The following PPP2R5C variants were observed in gnomAD, a reference collection of about 807,000 sequenced individuals.
The protein encoded by PPP2R5C is serine/threonine-protein phosphatase 2A 56 kDa regulatory subunit gamma isoform.
PPP2R5C carries 7 observed loss-of-function variants against 68.9 expected under a neutral mutation model. The ratio of observed to expected loss-of-function variants is 0.10; its 90% CI spans 0.06 to 0.19. The LOEUF (loss-of-function observed/expected upper bound fraction) is 0.19. PPP2R5C is among the 10% of genes least tolerant of loss of function. PPP2R5C has a pLI of 1.00. For missense variants in PPP2R5C, 348 were observed against 641.3 expected, an observed-to-expected ratio of 0.54 and a Z score of 4.94; for synonymous variants, 210 against 222.2, an observed-to-expected ratio of 0.95 and a Z score of 0.49.
chr14:101,897,563 G>C (rs1181218849), intron 8 of PPP2R5C, among the ~76,000 whole-genome samples: 4 of 152,042 alleles, frequency 2.6e-5, no homozygotes, highest in Non-Finnish European at 5.9e-5. Flanking sequence ...GAAAGATGCA[G>C]GCTGGGAGGC....
intron 8 of PPP2R5C, among the ~76,000 whole-genome samples, chr14:101,897,261 G>A (rs1194822941): frequency 6.6e-6 from 1 of 151,958 alleles, no homozygotes; most frequent in Non-Finnish European, 1.5e-5. Context: ...GACATGTTTA[G>A]GTAGGAAAAA....
chr14:101,899,490 G>GAC lies in PPP2R5C; in HGVS notation c.853-2228_853-2227dup, dbSNP rs1259641424. Among the ~76,000 whole-genome samples, 3 of 152,232 alleles carry GAC rather than the reference G, an allele frequency of 2.0e-5. No homozygotes were observed. The highest frequency in any genetic ancestry group is 7.2e-5 in the African/African-American group (3 of 41,466). ...CCTCCTCCACAGAGCACGCCACACT[G>GAC]ACGCAGCAAAATAGCTGATACCGAT... is the stretch of plus-strand genomic sequence containing the variant. On this transcript the variant is annotated intron_variant, in intron 8 of 13. Transcript: ENST00000334743. The surrounding 1 kb of genome is among the most constrained non-coding windows in gnomAD (Gnocchi z 4.2).
intron 2 of PPP2R5C, among the ~76,000 whole-genome samples, chr14:101,770,165 A>C (rs1159164132): frequency 4.6e-5 from 7 of 152,290 alleles, no homozygotes; most frequent in African/African-American, 1.7e-4. Flanking sequence ...AGTGACTGTA[A>C]AGGTTTCTCT....
chr14:101,885,696 C>G (rs888834384), intron 5 of PPP2R5C, among the ~76,000 whole-genome samples: 1 of 152,190 alleles, frequency 6.6e-6, no homozygotes, highest in Non-Finnish European at 1.5e-5. Context: ...TGGACATAGC[C>G]CAGACCTGAC....
chr14:101,851,834 A>G (rs2042171241), intron 1 of PPP2R5C, among the ~76,000 whole-genome samples: 1 of 151,646 alleles, frequency 6.6e-6, no homozygotes. Flanking sequence ...TCAGTTTCCT[A>G]TCCACAGTTT....
At chr14:101,907,939 T>C (rs543073301) in intron 10 of PPP2R5C, among the ~76,000 whole-genome samples, 23 of 152,252 alleles carry the variant, frequency 1.5e-4, no homozygotes, top group Admixed American at 9.8e-4. Flanking sequence ...GCCAGTCCAC[T>C]CGCGTCAAGT....
At chr14:101,771,930 A>G (rs1409156020) in intron 2 of PPP2R5C, among the ~76,000 whole-genome samples, 3 of 152,120 alleles carry the variant, frequency 2.0e-5, no homozygotes, top group Non-Finnish European at 4.4e-5. Context: ...AAATTAATGA[A>G]AATTAAAATT....
intron 2 of PPP2R5C, among the ~76,000 whole-genome samples, chr14:101,862,816 ATTT>A (rs71116853): frequency 9.4e-5 from 12 of 127,208 alleles, no homozygotes; most frequent in Admixed American, 1.6e-4. Flanking sequence ...GACATGATGG[ATTT>A]TTTTTTTTTT....
chr14:101,773,011 T>G (rs1474544020), intron 2 of PPP2R5C, among the ~76,000 whole-genome samples: 1 of 152,154 alleles, frequency 6.6e-6, no homozygotes, highest in African/African-American at 2.4e-5. Context: ...ATACCCTCTC[T>G]CGGTATCATG....
chr14:101,827,656 CT>C (rs2040477313), intron 1 of PPP2R5C, among the ~76,000 whole-genome samples: 1 of 152,172 alleles, frequency 6.6e-6, no homozygotes, highest in African/African-American at 2.4e-5. Context: ...AAAGATTGAA[CT>C]TTTACAGGAT....
intron 2 of PPP2R5C, among the ~76,000 whole-genome samples, chr14:101,875,265 C>G (rs2140828787): frequency 6.6e-6 from 1 of 152,262 alleles, no homozygotes; most frequent in African/African-American, 2.4e-5. Context: ...TCTCCCTTAC[C>G]TCTCTTCACT....
chr14:101,925,242 C>A, exon 14 of PPP2R5C: 1 of 1,613,542 alleles, frequency 6.2e-7, no homozygotes, highest in Non-Finnish European at 8.5e-7. Context: ...ACTGCAGGGC[C>A]GATGAGCTGG....
intron 13 of PPP2R5C, among the ~76,000 whole-genome samples, chr14:101,923,309 G>A (rs550868124): frequency 8.5e-5 from 13 of 152,316 alleles, no homozygotes; most frequent in African/African-American, 3.1e-4. Flanking sequence ...TGCATTCACT[G>A]GTTCCAGCTC....
At chr14:101,766,636 C>T (rs76997513) in intron 2 of PPP2R5C, 1 of 152,152 alleles carries the variant, frequency 6.6e-6, no homozygotes, top group Non-Finnish European at 1.5e-5. Flanking sequence ...TTAATTTTGA[C>T]TTGTTGCTTC....
chr14:101,845,187 TC>T (rs1566899402), intron 1 of PPP2R5C, among the ~76,000 whole-genome samples: 1 of 152,168 alleles, frequency 6.6e-6, no homozygotes, highest in Non-Finnish European at 1.5e-5. Context: ...ACCGTTGAAT[TC>T]CTCTTGTTGC....
At chr14:101,859,646 C>A (rs1424653928) in intron 2 of PPP2R5C, among the ~76,000 whole-genome samples, 1 of 152,126 alleles carries the variant, frequency 6.6e-6, no homozygotes, top group Non-Finnish European at 1.5e-5. Context: ...TGGGGTGGTG[C>A]CTGGCCTTGG....
chr14:101,817,756 A>G (rs1014934648), intron 1 of PPP2R5C, among the ~76,000 whole-genome samples: 8 of 119,746 alleles, frequency 6.7e-5, no homozygotes, highest in Non-Finnish European at 1.1e-4. Flanking sequence ...CTCTGTTTCT[A>G]GAAATGGAAC....
upstream of PPP2R5C, among the ~76,000 whole-genome samples, chr14:101,761,368 C>T (rs575471169): frequency 8.5e-5 from 13 of 152,148 alleles, no homozygotes; most frequent in African/African-American, 3.1e-4. Context: ...CAGCCACATG[C>T]TCCCTCCCCT....
chr14:101,898,492 C>T (rs2141009032), intron 8 of PPP2R5C, among the ~76,000 whole-genome samples: 1 of 152,270 alleles, frequency 6.6e-6, no homozygotes, highest in South Asian at 2.1e-4. Context: ...GTTTTTAATT[C>T]CCACTAATAT....
Sources: allele counts gnomAD v4.1 joint callset (sites outside exome capture counted in the v4.1 genomes callset), GRCh38; gene constraint gnomAD v4.1.1; non-coding constraint Gnocchi (gnomAD v3.1); transcripts MANE v1.5; gene names NCBI Gene and HGNC (gene_info 2026-07-23, HGNC 2026-07-21).